The following PRKCA variants were observed in gnomAD, a reference collection of about 807,000 sequenced individuals.
PRKCA encodes the protein protein kinase C alpha.
Under a neutral mutation model 87.0 loss-of-function variants are expected in PRKCA, and 27 were observed. That is an observed-to-expected ratio of 0.31 (90% CI 0.23 to 0.43). PRKCA has a LOEUF of 0.43. Among genes scored for constraint, PRKCA ranks in the 20% least tolerant of loss-of-function variants. The probability of loss-of-function intolerance (pLI) is 1.00; values close to 1 mark genes in which losing one functional copy is unlikely to be tolerated. For missense variants in PRKCA, 518 were observed against 852.3 expected (o/e 0.61, Z 4.88); for synonymous variants, 329 against 311.1 (o/e 1.06, Z -0.61).
intron 2 of PRKCA, among the ~76,000 whole-genome samples, chr17:66,456,650 G>A (rs147042119): frequency 6.6e-6 from 1 of 152,270 alleles, no homozygotes; most frequent in African/African-American, 2.4e-5. Flanking sequence ...TCTGCTGTTG[G>A]AGATTATTTG....
intron 10 of PRKCA, 151 bp downstream of exon 10, chr17:66,735,813 C>T: frequency 1.2e-6 from 1 of 807,184 alleles, no homozygotes; most frequent in East Asian, 2.7e-5. Context: ...CACCTCCCAC[C>T]TCTCTCACTG....
intron 3 of PRKCA, among the ~76,000 whole-genome samples, chr17:66,544,094 A>T (rs1178309717): frequency 6.6e-6 from 1 of 152,188 alleles, no homozygotes. Flanking sequence ...GCACACCTGT[A>T]GTCCCTGCTA....
At chr17:66,683,909 C>T (rs1262160660) in intron 5 of PRKCA, among the ~76,000 whole-genome samples, 1 of 152,100 alleles carries the variant, frequency 6.6e-6, no homozygotes, top group Non-Finnish European at 1.5e-5. Context: ...TCCCTTGTTT[C>T]TCTCTTCTGT....
chr17:66,589,734 T>A (rs540081023), intron 3 of PRKCA, among the ~76,000 whole-genome samples: 1 of 152,164 alleles, frequency 6.6e-6, no homozygotes, highest in African/African-American at 2.4e-5. Flanking sequence ...GATACGAAGA[T>A]GATAAGATGA....
At chr17:66,594,758 C>G (rs577938705) in intron 3 of PRKCA, among the ~76,000 whole-genome samples, 1 of 152,286 alleles carries the variant, frequency 6.6e-6, no homozygotes, top group African/African-American at 2.4e-5. Context: ...CCCAGAACAT[C>G]GTGTTCTCTG....
chr17:66,541,570 T>C (rs1030058964), intron 3 of PRKCA, among the ~76,000 whole-genome samples: 2 of 151,740 alleles, frequency 1.3e-5, no homozygotes, highest in African/African-American at 4.8e-5. Context: ...CAGCAGATGC[T>C]AGCTGCAGTT....
At chr17:66,339,189 A>G (rs900546699) in intron 2 of PRKCA, among the ~76,000 whole-genome samples, 4 of 152,252 alleles carry the variant, frequency 2.6e-5, no homozygotes, top group Non-Finnish European at 4.4e-5. Flanking sequence ...CTGACTTGCA[A>G]CACTGTTATA....
intron 8 of PRKCA, among the ~76,000 whole-genome samples, chr17:66,695,348 C>A (rs1972889864): frequency 6.6e-6 from 1 of 152,224 alleles, no homozygotes; most frequent in Non-Finnish European, 1.5e-5. Flanking sequence ...TACGTTTGCT[C>A]ATTTTGCTCC....
intron 5 of PRKCA, among the ~76,000 whole-genome samples, chr17:66,675,036 T>TG (rs978241837): frequency 4.6e-5 from 7 of 152,246 alleles, no homozygotes; most frequent in African/African-American, 1.7e-4. Context: ...AGCAAGCACT[T>TG]GCTCTCTGTT....
chr17:66,452,846 AGAGC>A (rs1914390983), intron 2 of PRKCA, among the ~76,000 whole-genome samples: 1 of 152,254 alleles, frequency 6.6e-6, no homozygotes, highest in Non-Finnish European at 1.5e-5. Flanking sequence ...CCTGGATGAC[AGAGC>A]GAGACTCCGT....
intron 2 of PRKCA, among the ~76,000 whole-genome samples, chr17:66,411,312 G>A (rs901627679): frequency 1.3e-5 from 2 of 149,208 alleles, no homozygotes; most frequent in African/African-American, 4.9e-5. Context: ...TGGGGTCAAA[G>A]GATCCTGCCA....
intron 5 of PRKCA, among the ~76,000 whole-genome samples, chr17:66,683,979 T>TAGCTTCCCC (rs1972559372): frequency 6.6e-6 from 1 of 152,202 alleles, no homozygotes. Context: ...TTCTCTTTCC[T>TAGCTTCCCC]AGCTTCCCCA....
At chr17:66,751,173 C>G (rs1430405006) in intron 13 of PRKCA, among the ~76,000 whole-genome samples, 1 of 152,238 alleles carries the variant, frequency 6.6e-6, no homozygotes. Context: ...AGGTGGGTAT[C>G]ATGAGAGATT....
intron 5 of PRKCA, among the ~76,000 whole-genome samples, chr17:66,654,408 G>A (rs541516261): frequency 7.8e-6 from 1 of 127,736 alleles, no homozygotes; most frequent in African/African-American, 2.8e-5. Context: ...TGGGAAAAAT[G>A]CTATCATCAT....
intron 2 of PRKCA, among the ~76,000 whole-genome samples, chr17:66,482,112 A>AAG (rs1555609708): frequency 8.7e-5 from 13 of 150,200 alleles, no homozygotes; most frequent in Non-Finnish European, 8.9e-5. Context: ...AAAAAAAAAA[A>AAG]AAAAAGAAAA....
intron 2 of PRKCA, among the ~76,000 whole-genome samples, chr17:66,433,355 A>G (rs904880340): frequency 1.3e-5 from 2 of 152,158 alleles, no homozygotes; most frequent in African/African-American, 2.4e-5. Flanking sequence ...GAAGTTTCCT[A>G]TAAACATAGT....
chr17:66,317,493 T>G (rs374899177), intron 2 of PRKCA, among the ~76,000 whole-genome samples: 1 of 152,240 alleles, frequency 6.6e-6, no homozygotes, highest in African/African-American at 2.4e-5. Flanking sequence ...TGTGTGTGAC[T>G]GGTGAATTGG....
intron 8 of PRKCA, among the ~76,000 whole-genome samples, chr17:66,694,501 A>T (rs1157875782): frequency 6.6e-6 from 1 of 151,020 alleles, no homozygotes; most frequent in East Asian, 1.9e-4. Flanking sequence ...AAAAAAAAAA[A>T]AAAAAAGGAT....
chr17:66,747,742 A>G (rs1974327640), intron 13 of PRKCA, among the ~76,000 whole-genome samples: 1 of 152,252 alleles, frequency 6.6e-6, no homozygotes, highest in Non-Finnish European at 1.5e-5. Flanking sequence ...CAGGGACCTG[A>G]GTCATGATCA....
Sources: allele counts gnomAD v4.1 joint callset (sites outside exome capture counted in the v4.1 genomes callset), GRCh38; gene constraint gnomAD v4.1.1; transcripts MANE v1.5; gene names NCBI Gene and HGNC (gene_info 2026-07-23, HGNC 2026-07-21).